NRXN3: variants seen among roughly 807,000 people sequenced by gnomAD.
NRXN3 encodes neurexin 3, also known as neurexin III.
In NRXN3, 32 loss-of-function variants were observed where a neutral mutation model predicts 137.6. That is an observed-to-expected ratio of 0.23 (90% CI 0.18 to 0.31). NRXN3 has a LOEUF of 0.31. NRXN3 is among the 10% of genes least tolerant of loss of function. The pLI is 1.00. For synonymous variants in NRXN3, 798 were observed against 784.5 expected (o/e 1.02, Z -0.29); for missense variants, 1,574 against 2,062.5 (o/e 0.76, Z 4.59).
At chr14:78,737,203 A>G (rs1164425874) in intron 8 of NRXN3, among the ~76,000 whole-genome samples, 1 of 152,120 alleles carries the variant, frequency 6.6e-6, no homozygotes, top group African/African-American at 2.4e-5. Flanking sequence ...TAAGACACAT[A>G]CAAACAAATA....
chr14:79,660,083 C>G (rs766544084), intron 16 of NRXN3, among the ~76,000 whole-genome samples: 5 of 152,100 alleles, frequency 3.3e-5, no homozygotes, highest in Non-Finnish European at 7.4e-5. Flanking sequence ...GTAATTTGCC[C>G]AAGGTCAGTC....
At chr14:79,670,522 C>T (rs2098601372) in intron 17 of NRXN3, among the ~76,000 whole-genome samples, 1 of 152,036 alleles carries the variant, frequency 6.6e-6, no homozygotes, top group African/African-American at 2.4e-5. Context: ...CAAGTGAATG[C>T]TCAGATTGAC....
intron 6 of NRXN3, among the ~76,000 whole-genome samples, chr14:78,689,188 A>G (rs1355002088): frequency 6.6e-6 from 1 of 151,996 alleles, no homozygotes; most frequent in Non-Finnish European, 1.5e-5. Context: ...AACTACTTAA[A>G]AGTATAGTTA....
chr14:79,385,085 G>A (rs1044187231), intron 15 of NRXN3, among the ~76,000 whole-genome samples: 3 of 151,818 alleles, frequency 2.0e-5, no homozygotes, highest in Middle Eastern at 3.4e-3. Context: ...TATACTTTAA[G>A]TTTTAGGGTA....
chr14:78,827,222 C>T (rs1567433650), intron 10 of NRXN3, among the ~76,000 whole-genome samples: 1 of 150,384 alleles, frequency 6.6e-6, no homozygotes, highest in African/African-American at 2.4e-5. Context: ...GATATTCTCA[C>T]ACCAATGTAC....
intron 16 of NRXN3, among the ~76,000 whole-genome samples, chr14:79,577,357 G>T (rs977795848): frequency 6.6e-6 from 1 of 152,160 alleles, no homozygotes; most frequent in East Asian, 1.9e-4. Flanking sequence ...AATTAAGATA[G>T]TCTATTTGGA....
intron 15 of NRXN3, among the ~76,000 whole-genome samples, chr14:79,315,321 G>A (rs1465181975): frequency 6.6e-6 from 1 of 152,100 alleles, no homozygotes; most frequent in Non-Finnish European, 1.5e-5. Flanking sequence ...AGGTGTTTGG[G>A]AATAATTCTT....
At chr14:78,199,374 G>T (rs2061484609) in intron 1 of NRXN3, among the ~76,000 whole-genome samples, 1 of 152,076 alleles carries the variant, frequency 6.6e-6, no homozygotes, top group Non-Finnish European at 1.5e-5. Context: ...GGGCATTCTG[G>T]TTTTTCTTGA....
intron 20 of NRXN3, among the ~76,000 whole-genome samples, chr14:79,847,161 G>A (rs1431618916): frequency 6.6e-6 from 1 of 152,160 alleles, no homozygotes; most frequent in African/African-American, 2.4e-5. Flanking sequence ...GATCTTTGGA[G>A]TATCTGACTC....
At chr14:78,983,365 A>C (rs1296540393) in intron 14 of NRXN3, among the ~76,000 whole-genome samples, 1 of 152,232 alleles carries the variant, frequency 6.6e-6, no homozygotes, top group African/African-American at 2.4e-5. Context: ...TGCAGCATTA[A>C]TCACAATAGC....
chr14:78,307,893 T>A (rs568279663), intron 4 of NRXN3, among the ~76,000 whole-genome samples: 1 of 152,244 alleles, frequency 6.6e-6, no homozygotes, highest in South Asian at 2.1e-4. Context: ...AACTGCTAAT[T>A]ATTTCACTCT....
intron 16 of NRXN3, among the ~76,000 whole-genome samples, chr14:79,525,031 A>G (rs539671796): frequency 6.6e-6 from 1 of 152,292 alleles, no homozygotes; most frequent in South Asian, 2.1e-4. Flanking sequence ...CAAGGTAGTC[A>G]GGCAGTTTCT....
rs1351014234 is a variant in NRXN3, at chr14:78,171,284, C to G, written c.-704+610C>G. Among the ~76,000 whole-genome samples the G allele has an allele frequency of 2.1e-5, 3 of 143,080 alleles. No individual in the cohort carries two copies. The South Asian group carries it at 6.6e-4, about 32-fold the overall frequency. The allele number at this position is 143,080 out of a possible 152,430, so 93.9% of individuals were successfully genotyped here. On this transcript the variant is annotated intron_variant, in intron 1 of 20. Transcript: ENST00000335750. ...CTAGAGTCTAAAAATTCAGGTTGGA[C>G]TCCTGTCTTGTGAAGGTGGGCATAC...
At chr14:78,824,089 T>G (rs2153138186) in intron 10 of NRXN3, among the ~76,000 whole-genome samples, 1 of 138,118 alleles carries the variant, frequency 7.2e-6, no homozygotes, top group African/African-American at 2.6e-5. Flanking sequence ...AATAAAGAAA[T>G]GGGTCACCTG....
intron 20 of NRXN3, among the ~76,000 whole-genome samples, chr14:79,845,093 A>G (rs2099364239): frequency 6.6e-6 from 1 of 152,038 alleles, no homozygotes; most frequent in African/African-American, 2.4e-5. Context: ...GTAGCTTCCA[A>G]CTTTACTTCT....
At chr14:78,397,895 G>T (rs946951069) in intron 4 of NRXN3, among the ~76,000 whole-genome samples, 2 of 151,260 alleles carry the variant, frequency 1.3e-5, no homozygotes, top group African/African-American at 4.8e-5. Flanking sequence ...ATGAGCCACT[G>T]CCCCTGGCCT....
chr14:79,794,321 A>G (rs1489298213), intron 19 of NRXN3, among the ~76,000 whole-genome samples: 2 of 152,038 alleles, frequency 1.3e-5, no homozygotes, highest in East Asian at 1.9e-4. Context: ...CCAAGATGGT[A>G]CCGCTGCACT....
intron 6 of NRXN3, among the ~76,000 whole-genome samples, chr14:78,691,996 A>G (rs1385574683): frequency 2.6e-5 from 4 of 152,210 alleles, no homozygotes; most frequent in African/African-American, 9.6e-5. Flanking sequence ...AAGTTCCCAG[A>G]AAGGTGTTTG....
chr14:78,202,452 G>A (rs1045648797), intron 1 of NRXN3, among the ~76,000 whole-genome samples: 6 of 152,192 alleles, frequency 3.9e-5, no homozygotes, highest in Non-Finnish European at 5.9e-5. Flanking sequence ...ACTATAACCA[G>A]ACATGCTGCC....
Sources: gnomAD v4.1 joint callset for allele counts (sites outside exome capture counted in the v4.1 genomes callset) on GRCh38, gnomAD v4.1.1 for gene constraint, MANE v1.5 for transcripts, NCBI Gene and HGNC (gene_info 2026-07-23, HGNC 2026-07-21) for gene names.